CTBP2: variants seen among roughly 807,000 people sequenced by gnomAD.
CTBP2 encodes the protein C-terminal binding protein 2, also known as C-terminal-binding protein 2.
In CTBP2, 30 loss-of-function variants were observed where a neutral mutation model predicts 80.3. The ratio of observed to expected loss-of-function variants is 0.37; its 90% CI spans 0.28 to 0.51. The LOEUF (loss-of-function observed/expected upper bound fraction) is 0.51. Ranked by LOEUF, CTBP2 falls within the 20% of genes least tolerant of loss-of-function variation. The probability of loss-of-function intolerance (pLI) is 0.93; values close to 1 mark genes in which losing one functional copy is unlikely to be tolerated. For synonymous variants in CTBP2, 594 were observed against 587.4 expected (o/e 1.01, Z -0.16); for missense variants, 1,212 against 1,375.3 (o/e 0.88, Z 1.88).
chr10:125,117,445 T>C (rs74163346), intron 1 of CTBP2, among the ~76,000 whole-genome samples: 12,597 of 151,728 alleles, frequency 0.083, 644 homozygotes, highest in South Asian at 0.15. Flanking sequence ...ACAGCACAGC[T>C]CAACGTTGCC....
intron 1 of CTBP2, among the ~76,000 whole-genome samples, chr10:125,126,173 C>T (rs1240644530): frequency 6.6e-6 from 1 of 152,202 alleles, no homozygotes; most frequent in Non-Finnish European, 1.5e-5. Context: ...GCTGCTGGTG[C>T]TTTCCTGCCT....
chr10:124,993,411 C>T, intron 6 of CTBP2, 82 bp from the exon 9 acceptor site: 1 of 1,470,802 alleles, frequency 6.8e-7, no homozygotes, highest in Non-Finnish European at 9.2e-7. Context: ...GAGCTCTTGG[C>T]CATGTAGAAA....
chr10:125,052,421 C>T (rs201270084), intron 2 of CTBP2, among the ~76,000 whole-genome samples: 4 of 152,224 alleles, frequency 2.6e-5, no homozygotes, highest in East Asian at 1.9e-4. Flanking sequence ...GACCTGTGTT[C>T]GCCAGGGGAG....
chr10:125,097,151 G>T (rs1275660538), intron 2 of CTBP2, among the ~76,000 whole-genome samples: 1 of 152,198 alleles, frequency 6.6e-6, no homozygotes, highest in Non-Finnish European at 1.5e-5. Flanking sequence ...AGTAGTGGAT[G>T]AACCTGCTGA....
Position 125,028,014 on chromosome 10 carries a change from G to T in CTBP2, c.-255C>A. 2 of 1,012,844 alleles carry T rather than the reference G, an allele frequency of 2.0e-6. No homozygotes were observed. The highest frequency in any genetic ancestry group is 2.6e-6 in the Non-Finnish European group (2 of 777,356). The allele number at this position is 1,012,844 out of a possible 1,614,324, so 62.7% of individuals were successfully genotyped here. ...AGAGAGGTCTGTTCCTTACAGCTCA[G>T]TCCCGGAGAGGAGGCTGTCCCCAGC... On this transcript the variant is annotated 5_prime_UTR_variant, in exon 1 of 9. Coordinates refer to ENST00000309035, the MANE Select transcript of CTBP2 (RefSeq NM_022802.3).
intron 2 of CTBP2, among the ~76,000 whole-genome samples, chr10:125,042,962 C>T (rs908226626): frequency 3.3e-5 from 5 of 152,150 alleles, no homozygotes; most frequent in South Asian, 2.1e-4. Context: ...AGATCAGAAA[C>T]GTGGACCTTA....
chr10:125,017,937 T>G (rs1956657614), intron 1 of CTBP2, among the ~76,000 whole-genome samples: 1 of 152,222 alleles, frequency 6.6e-6, no homozygotes, highest in South Asian at 2.1e-4. Flanking sequence ...CCCATCATGA[T>G]GACTGCTGCT....
upstream of CTBP2, among the ~76,000 whole-genome samples, chr10:125,032,621 G>A (rs1264220800): frequency 2.7e-5 from 4 of 150,652 alleles, no homozygotes; most frequent in Admixed American, 2.6e-4. Context: ...CTTAGCCCCT[G>A]ACCTGCGGAG....
At chr10:125,116,383 C>T (rs927858026) in intron 1 of CTBP2, among the ~76,000 whole-genome samples, 3 of 152,144 alleles carry the variant, frequency 2.0e-5, no homozygotes, top group Admixed American at 6.5e-5. Context: ...ATGCTGACGG[C>T]CTTCTCAAAA....
intron 2 of CTBP2, among the ~76,000 whole-genome samples, chr10:125,064,161 C>T (rs993754378): frequency 1.3e-5 from 2 of 152,224 alleles, no homozygotes; most frequent in East Asian, 3.8e-4. Flanking sequence ...GTGAATACCT[C>T]AGGGAACACC....
chr10:125,054,026 C>CA (rs1963365994), intron 2 of CTBP2, among the ~76,000 whole-genome samples: 1 of 152,072 alleles, frequency 6.6e-6, no homozygotes. Flanking sequence ...CAGGCGTGCC[C>CA]ACAAAACAGT....
At chr10:125,009,946 T>C (rs1226418128) in intron 1 of CTBP2, among the ~76,000 whole-genome samples, 4 of 152,094 alleles carry the variant, frequency 2.6e-5, no homozygotes, top group African/African-American at 9.7e-5. Context: ...CCGTCAGACG[T>C]GGGATCTAAA....
At chr10:125,047,115 A>G (rs1272949530) in intron 2 of CTBP2, among the ~76,000 whole-genome samples, 1 of 152,098 alleles carries the variant, frequency 6.6e-6, no homozygotes, top group Non-Finnish European at 1.5e-5. Context: ...ATGCCTTAAA[A>G]ATAAACTGTA....
chr10:125,091,735 C>A (rs1008216607), intron 2 of CTBP2, among the ~76,000 whole-genome samples: 1 of 152,172 alleles, frequency 6.6e-6, no homozygotes, highest in Non-Finnish European at 1.5e-5. Flanking sequence ...TGCCACTGCA[C>A]TACAGCCTGG....
intron 2 of CTBP2, among the ~76,000 whole-genome samples, chr10:125,089,480 C>T (rs1443720328): frequency 2.0e-5 from 3 of 152,112 alleles, no homozygotes; most frequent in African/African-American, 7.2e-5. Context: ...ATTAAAGGAC[C>T]CTTTTGTCAA....
At chr10:125,097,608 A>T (rs140187106) in intron 2 of CTBP2, among the ~76,000 whole-genome samples, 2 of 152,228 alleles carry the variant, frequency 1.3e-5, no homozygotes, top group African/African-American at 4.8e-5. Flanking sequence ...CGTGGGGTCC[A>T]TACCATTCAC....
At position 125,026,452 on chromosome 10, in the gene CTBP2, G is replaced by A. The variant is rs769515814; in HGVS notation, c.1308C>T (p.Asn436=). The change falls in exon 1 of 9, where the codon AAC becomes AAT. Residue 436 remains asparagine, a synonymous_variant. Coordinates refer to ENST00000309035, the MANE Select transcript of CTBP2 (RefSeq NM_022802.3). Reference sequence around the variant, plus strand: ...AAGGGGTGGGAGAGCTGTACCCGGAGTTGGAGGGGAAGTGTGGGGCATGGG... The same window carrying A: ...AAGGGGTGGGAGAGCTGTACCCGGAATTGGAGGGGAAGTGTGGGGCATGGG... 5 of 1,600,806 alleles carry A rather than the reference G, an allele frequency of 3.1e-6. No homozygotes were observed. Among genetic ancestry groups the A allele is most frequent in the Non-Finnish European group, 4.3e-6 (5 of 1,170,802 alleles).
At position 125,066,502 on chromosome 10, in the gene CTBP2, A is replaced by G. The variant is rs1844655732; in HGVS notation, c.-101-27347T>C. Among the ~76,000 whole-genome samples the G allele has an allele frequency of 6.6e-6, 1 of 152,190 alleles. No individual in the cohort carries two copies. The highest frequency in any genetic ancestry group is 6.5e-5 in the Admixed American group (1 of 15,280). Reference sequence around the variant, plus strand: ...GCCAAGCACCCTAGAAAGTGCTGTCATGTTTCGTACAGGAGCCTGCTGGGG... The same window carrying G: ...GCCAAGCACCCTAGAAAGTGCTGTCGTGTTTCGTACAGGAGCCTGCTGGGG... On this transcript the variant is annotated intron_variant, in intron 2 of 10. Coordinates refer to the CTBP2 transcript ENST00000337195. This position sits in a 1 kb window ranked among gnomAD's most constrained non-coding sequence, Gnocchi z 4.1.
intron 2 of CTBP2, 38 bp downstream of exon 4, chr10:125,003,282 TGGGGAGGAAACTGCCCAA>T: frequency 6.3e-7 from 1 of 1,592,734 alleles, no homozygotes; most frequent in Non-Finnish European, 8.5e-7. Flanking sequence ...GGGGGGATGC[TGGGGAGGAAACTGCCCAA>T]GGTCAGTGCA....
Sources: gnomAD v4.1 joint callset for allele counts (sites outside exome capture counted in the v4.1 genomes callset) on GRCh38, gnomAD v4.1.1 for gene constraint, Gnocchi (gnomAD v3.1) non-coding constraint, MANE v1.5 for transcripts, NCBI Gene and HGNC (gene_info 2026-07-23, HGNC 2026-07-21) for gene names.